The following ALOXE3 variants were observed in gnomAD, a reference collection of about 807,000 sequenced individuals.
ALOXE3 encodes arachidonate epidermal lipoxygenase 3, also known as hydroperoxide isomerase ALOXE3.
ALOXE3 carries 78 observed loss-of-function variants against 87.5 expected under a neutral mutation model. The ratio of observed to expected loss-of-function variants is 0.89; its 90% CI spans 0.74 to 1.08. ALOXE3 has a LOEUF of 1.08. Among genes scored for constraint, ALOXE3 ranks in the 50% least tolerant of loss-of-function variants. ALOXE3 has a pLI of 0.00. For missense variants in ALOXE3, 946 were observed against 912.4 expected (o/e 1.04, Z -0.47); for synonymous variants, 363 against 370.8 (o/e 0.98, Z 0.24).
chr17:8,102,429 G>A (rs748681600), intron 15 of ALOXE3, among the ~76,000 whole-genome samples: 5 of 152,064 alleles, frequency 3.3e-5, no homozygotes, highest in Non-Finnish European at 7.4e-5. Context: ...GGAGGCGGAG[G>A]TTGCAGTGAG....
At chr17:8,115,311 T>G (rs550769847) in intron 4 of ALOXE3, among the ~76,000 whole-genome samples, 2 of 152,298 alleles carry the variant, frequency 1.3e-5, no homozygotes, top group Admixed American at 1.3e-4. Context: ...TGGGGGAGGC[T>G]GAGAAAGGAC....
intron 6 of ALOXE3, among the ~76,000 whole-genome samples, 189 bp from the exon 7 acceptor site, chr17:8,112,385 G>A (rs972696350): frequency 2.6e-5 from 4 of 152,192 alleles, no homozygotes; most frequent in Non-Finnish European, 5.9e-5. Context: ...TGGTTCATAT[G>A]CAGCCATCCC....
At chr17:8,117,823 C>G (rs972307619) in intron 2 of ALOXE3, 21 bp downstream of exon 2, 1 of 1,607,978 alleles carries the variant, frequency 6.2e-7, no homozygotes, top group South Asian at 1.1e-5. Flanking sequence ...GGTCGCGCTT[C>G]CCTGTCTCCT....
Position 8,096,349 on chromosome 17 carries a change from G to T in ALOXE3, c.*278C>A. The T allele has an allele frequency of 2.4e-6, 1 of 410,090 alleles. No individual in the cohort carries two copies. The highest frequency in any genetic ancestry group is 4.4e-6 in the Non-Finnish European group (1 of 226,678). 25.4% of individuals were successfully genotyped at this position (410,090 alleles called of 1,614,324 possible). A position where few individuals can be genotyped will look rare whatever the true frequency, so the allele number is the denominator to read the frequency against. On this transcript the variant is annotated 3_prime_UTR_variant, in exon 16 of 16. Coordinates refer to ENST00000448843, the MANE Select transcript of ALOXE3 (RefSeq NM_021628.3). Reference sequence around the variant, plus strand: ...CTGGAACAAGAGGCTGCCCCAAGTGGGGCAAGAAGTGAAGCGGTTCCTTCC... The same window carrying T: ...CTGGAACAAGAGGCTGCCCCAAGTGTGGCAAGAAGTGAAGCGGTTCCTTCC...
At chr17:8,115,248 C>T (rs1980484524) in intron 4 of ALOXE3, among the ~76,000 whole-genome samples, 191 bp from the exon 5 acceptor site, 1 of 152,204 alleles carries the variant, frequency 6.6e-6, no homozygotes, top group African/African-American at 2.4e-5. Context: ...CATTAATGCC[C>T]ACACTGGGTT....
intron 6 of ALOXE3, among the ~76,000 whole-genome samples, chr17:8,114,069 C>G (rs1980351781): frequency 6.6e-6 from 1 of 151,166 alleles, no homozygotes; most frequent in Non-Finnish European, 1.5e-5. Context: ...AGTGTGGGCA[C>G]CTGGGGAAGG....
At chr17:8,108,615 C>A in intron 12 of ALOXE3, 26 bp from the exon 13 acceptor site, 5 of 1,605,528 alleles carry the variant, frequency 3.1e-6, no homozygotes, top group Non-Finnish European at 4.3e-6. Flanking sequence ...GCTGGTACCA[C>A]TGGAGTAACC....
intron 13 of ALOXE3, among the ~76,000 whole-genome samples, chr17:8,105,560 T>C (rs1170582593): frequency 2.0e-5 from 3 of 152,160 alleles, no homozygotes; most frequent in South Asian, 2.1e-4. Context: ...TCTTTTTCAC[T>C]ACTAAACCTC....
At chr17:8,114,074 G>A (rs995356844) in intron 6 of ALOXE3, among the ~76,000 whole-genome samples, 2 of 151,980 alleles carry the variant, frequency 1.3e-5, no homozygotes, top group African/African-American at 2.4e-5. Flanking sequence ...GGGCACCTGG[G>A]GAAGGGAGGG....
intron 6 of ALOXE3, among the ~76,000 whole-genome samples, chr17:8,113,882 C>T (rs554287592): frequency 1.1e-4 from 17 of 151,374 alleles, no homozygotes; most frequent in Non-Finnish European, 1.8e-4. Context: ...CAAAATTAGC[C>T]GGCATGGTGG....
chr17:8,117,240 G>T (rs1260655438), intron 2 of ALOXE3, among the ~76,000 whole-genome samples: 1 of 152,222 alleles, frequency 6.6e-6, no homozygotes, highest in African/African-American at 2.4e-5. Context: ...CCTGCCCGAT[G>T]AAACCGCTTC....
intron 2 of ALOXE3, 128 bp from the exon 3 acceptor site, chr17:8,117,108 C>G: frequency 1.1e-6 from 1 of 873,326 alleles, no homozygotes; most frequent in South Asian, 1.6e-5. Flanking sequence ...CAGCCCATAC[C>G]GGGCTTTTGT....
At chr17:8,110,926 C>G (rs1283385428) in intron 8 of ALOXE3, among the ~76,000 whole-genome samples, 1 of 152,196 alleles carries the variant, frequency 6.6e-6, no homozygotes, top group Non-Finnish European at 1.5e-5. Context: ...GAGGGCTTGA[C>G]TGCCCCAAAA....
intron 6 of ALOXE3, among the ~76,000 whole-genome samples, chr17:8,114,151 T>G (rs1453476753): frequency 6.6e-6 from 1 of 151,602 alleles, no homozygotes; most frequent in Non-Finnish European, 1.5e-5. Flanking sequence ...AAGCACTCAC[T>G]CACTCACTGC....
rs1161799519 is a variant in ALOXE3 at position 8,111,388 on chromosome 17, G to T, written c.928C>A (p.Gln310Lys). The T allele has an allele frequency of 6.2e-7, 1 of 1,613,576 alleles. No individual in the cohort carries two copies. Among genetic ancestry groups the T allele is most frequent in the African/African-American group, 1.3e-5 (1 of 74,930 alleles). ...AGCTCTGTCTGCAGGCATGTGTCCT[G>T]TCCCAGCAAGGGGGCCACCATGTCA... Reference protein sequence around the residue: ...TNDMVAPLLGQDTCLQTELER... With the variant: ...TNDMVAPLLGKDTCLQTELER... The change falls in exon 8 of 16, where the codon CAG (glutamine) becomes AAG (lysine). Residue 310 changes from glutamine to lysine, a missense_variant. Physicochemically the swap from Gln to Lys is moderately conservative, Grantham distance 53. Transcript: ENST00000448843.
In ALOXE3 at chr17:8,117,834, T is replaced by C. The variant is rs919100922; in HGVS notation, c.147+10A>G. On this transcript the variant is annotated intron_variant, in intron 2 of 15. Transcript: ENST00000448843. ...CTGAGGTCGCGCTTCCCTGTCTCCTTTGTACTCACCGATCCAGGGGCGAAG... is the reference window on the plus strand; with the variant it reads ...CTGAGGTCGCGCTTCCCTGTCTCCTCTGTACTCACCGATCCAGGGGCGAAG... 1 of 1,609,618 alleles carries C rather than the reference T, an allele frequency of 6.2e-7. No individual in the cohort carries two copies. Among genetic ancestry groups the C allele is most frequent in the African/African-American group, 1.3e-5 (1 of 74,928 alleles).
At chr17:8,106,432 C>G (rs1221213390) in intron 13 of ALOXE3, among the ~76,000 whole-genome samples, 2 of 152,036 alleles carry the variant, frequency 1.3e-5, no homozygotes, top group Non-Finnish European at 2.9e-5. Flanking sequence ...GTAGTGTCAG[C>G]TACTTGGAAG....
intron 15 of ALOXE3, among the ~76,000 whole-genome samples, chr17:8,102,550 G>T (rs1409843481): frequency 2.0e-5 from 3 of 152,176 alleles, no homozygotes; most frequent in Middle Eastern, 3.2e-3. Flanking sequence ...ACACTGTGCA[G>T]ACAAAGCCCT....
At position 8,096,679 on chromosome 17, in the gene ALOXE3, A is replaced by T; in HGVS notation, c.2084T>A (p.Leu695Gln). ...DIQERNQGLA[L>Q]PYTYLDPPLI... ...GGGAGGGTCCAGGTAGGTGTAGGGCAGTGCCAGACCCTGGTTCCGCTCCTG... is the reference window on the plus strand; with the variant it reads ...GGGAGGGTCCAGGTAGGTGTAGGGCTGTGCCAGACCCTGGTTCCGCTCCTG... The change falls in exon 16 of 16, where the codon CTG (leucine) becomes CAG (glutamine). Residue 695 changes from leucine (L) to glutamine (Q), a missense_variant. Leu to Gln is a moderately radical substitution (Grantham distance 113). Coordinates refer to ENST00000448843, the MANE Select transcript of ALOXE3 (RefSeq NM_021628.3). 1 of 1,563,320 alleles carries T rather than the reference A, an allele frequency of 6.4e-7. No homozygotes were observed. The highest frequency in any genetic ancestry group is 8.8e-7 in the Non-Finnish European group (1 of 1,133,802).
Sources: allele counts gnomAD v4.1 joint callset (sites outside exome capture counted in the v4.1 genomes callset), GRCh38; gene constraint gnomAD v4.1.1; transcripts MANE v1.5; gene names NCBI Gene and HGNC (gene_info 2026-07-23, HGNC 2026-07-21).